PRKN: variants seen among roughly 807,000 people sequenced by gnomAD.
PRKN encodes the protein E3 ubiquitin-protein ligase parkin.
A neutral mutation model predicts 59.5 loss-of-function variants in PRKN; 56 were observed. That is an observed-to-expected ratio of 0.94 (90% CI 0.76 to 1.18). The LOEUF is 1.18. PRKN is among the 50% of genes most tolerant of loss of function. The pLI is 0.00. For missense variants in PRKN, 657 were observed against 596.4 expected, an observed-to-expected ratio of 1.10 and a Z score of -1.06; for synonymous variants, 250 against 222.1, an observed-to-expected ratio of 1.13 and a Z score of -1.12.
Position 161,908,311 on chromosome 6 carries a change from C to G in PRKN, c.734+64991G>C, listed in dbSNP as rs77458006. 7.9e-5 allele frequency among the ~76,000 whole-genome samples: 12 copies of G among 152,268 alleles called. No individual in the cohort carries two copies. The East Asian group carries it at 2.3e-3, about 29-fold the overall frequency. ...TCTGAAAGAATCTTCCGGATGGAAA[C>G]AGGGCATCTTGTTTATACAAGCCCA... On this transcript the variant is annotated intron_variant, in intron 6 of 11. Transcript: ENST00000366898.
intron 3 of PRKN, among the ~76,000 whole-genome samples, chr6:162,223,022 C>T (rs2128081691): frequency 7.7e-6 from 1 of 129,816 alleles, no homozygotes; most frequent in East Asian, 2.7e-4. Context: ...CCCCACCGCA[C>T]AATAGTCCCC....
intron 1 of PRKN, among the ~76,000 whole-genome samples, chr6:162,598,963 T>C (rs1187247071): frequency 1.3e-5 from 2 of 151,856 alleles, no homozygotes; most frequent in East Asian, 3.9e-4. Context: ...CAAATTACAG[T>C]ACGTTCAAGA....
rs1778983861 is a variant in PRKN, at chr6:161,525,493, A to G, written c.1083+23361T>C. Among the ~76,000 whole-genome samples, 2 of 152,202 alleles carry G rather than the reference A, an allele frequency of 1.3e-5. No individual in the cohort carries two copies. The highest frequency in any genetic ancestry group is 4.1e-4 in the South Asian group (2 of 4,828). On this transcript the variant is annotated intron_variant, in intron 9 of 11. Transcript: ENST00000366898. The surrounding 1 kb of genome is among the most constrained non-coding windows in gnomAD (Gnocchi z 4.7). ...CCAACAGGTCAGGGATATTGGGAGC[A>G]GGAGAACTGTGGTGCTGCATGAATT...
chr6:162,421,573 T>C (rs527528731), intron 2 of PRKN, among the ~76,000 whole-genome samples: 53 of 152,322 alleles, frequency 3.5e-4, no homozygotes, highest in African/African-American at 1.3e-3. Context: ...TCTCAATGAG[T>C]CCATCAATTC....
At position 162,235,965 on chromosome 6, in the gene PRKN, G is replaced by GAAAGAA. The variant is rs1562602335; in HGVS notation, c.412+26554_412+26559dup. Reference sequence around the variant, plus strand: ...AGGAAGGAAGGAAGAAAGGAAGAAAGAAAGAAAGAAAGAAAGAAAGAAAGA... The same window carrying GAAAGAA: ...AGGAAGGAAGGAAGAAAGGAAGAAAGAAAGAAAAAGAAAGAAAGAAAGAAAGAAAGA... On this transcript the variant is annotated intron_variant, in intron 3 of 11. Transcript: ENST00000366898. Among the ~76,000 whole-genome samples, 52 of 93,676 alleles carry GAAAGAA rather than the reference G, an allele frequency of 5.6e-4. 2 individuals carry two copies. Among genetic ancestry groups the GAAAGAA allele is most frequent in the African/African-American group, 2.0e-3 (41 of 20,124 alleles). The allele number at this position is 93,676 out of a possible 152,430, so 61.5% of individuals were successfully genotyped here.
intron 1 of PRKN, among the ~76,000 whole-genome samples, chr6:162,529,726 A>T (rs1451185507): frequency 6.6e-6 from 1 of 152,184 alleles, no homozygotes; most frequent in African/African-American, 2.4e-5. Context: ...GGACAACTGA[A>T]GTCCATCCCT....
intron 2 of PRKN, among the ~76,000 whole-genome samples, chr6:162,424,837 G>A (rs978195874): frequency 5.3e-5 from 8 of 152,044 alleles, no homozygotes; most frequent in African/African-American, 1.7e-4. Context: ...GAATGAGGTT[G>A]AGAATTTTCC....
chr6:162,442,871 CCTCA>C (rs1790124924), intron 2 of PRKN, among the ~76,000 whole-genome samples: 2 of 152,122 alleles, frequency 1.3e-5, no homozygotes, highest in East Asian at 3.9e-4. Flanking sequence ...TAGCAGCAGC[CCTCA>C]CTAACCTCCA....
chr6:161,643,277 CAACT>C (rs1303621785), intron 7 of PRKN, among the ~76,000 whole-genome samples: 1 of 152,122 alleles, frequency 6.6e-6, no homozygotes, highest in Non-Finnish European at 1.5e-5. Context: ...CAAAGGAACA[CAACT>C]GACTTGTTAA....
At chr6:161,659,626 CGAG>C (rs1562590074) in intron 7 of PRKN, among the ~76,000 whole-genome samples, 1 of 151,982 alleles carries the variant, frequency 6.6e-6, no homozygotes, top group African/African-American at 2.4e-5. Flanking sequence ...TGGTGTCACT[CGAG>C]GGACTGGGAG....
chr6:162,291,786 T>C (rs1583324214), intron 2 of PRKN, among the ~76,000 whole-genome samples: 1 of 152,062 alleles, frequency 6.6e-6, no homozygotes, highest in South Asian at 2.1e-4. Flanking sequence ...CCAAAGACGT[T>C]TTCTCCATTA....
rs35184046 is a variant in PRKN, at chr6:161,369,065, C to T, written c.1168-8860G>A. Among the ~76,000 whole-genome samples the T allele has an allele frequency of 0.13, 20,064 of 152,112 alleles. 2,243 individuals are homozygous for T. The highest frequency in any genetic ancestry group is 0.31 in the African/African-American group (12,882 of 41,486). On this transcript the variant is annotated intron_variant, in intron 10 of 11. Transcript: ENST00000366898. This position sits in a 1 kb window ranked among gnomAD's most constrained non-coding sequence, Gnocchi z 5.8. ...CAGGAGAAGCAGCTCTATGACACCC[C>T]GGGAGTGGGCGGTGCCCAGGCCACT...
intron 6 of PRKN, among the ~76,000 whole-genome samples, chr6:161,947,481 C>T (rs1307337660): frequency 2.6e-5 from 4 of 152,154 alleles, no homozygotes; most frequent in Non-Finnish European, 2.9e-5. Context: ...TCATCTTTTA[C>T]AGCAATTGTT....
At chr6:161,979,060 C>A (rs1378533183) in intron 5 of PRKN, among the ~76,000 whole-genome samples, 1 of 152,102 alleles carries the variant, frequency 6.6e-6, no homozygotes, top group East Asian at 1.9e-4. Flanking sequence ...CTATAATTCC[C>A]AGGGGCTTAC....
chr6:161,639,596 C>T (rs903086299), intron 7 of PRKN, among the ~76,000 whole-genome samples: 18 of 152,134 alleles, frequency 1.2e-4, no homozygotes, highest in Non-Finnish European at 2.2e-4. Context: ...ACTGCACCTC[C>T]GGGAAATATG....
At chr6:162,569,937 C>A (rs911988476) in intron 1 of PRKN, among the ~76,000 whole-genome samples, 1 of 152,026 alleles carries the variant, frequency 6.6e-6, no homozygotes, top group Non-Finnish European at 1.5e-5. Flanking sequence ...TTATTTTTTT[C>A]CCCCCAAAAT....
At chr6:162,576,309 C>T (rs1325316415) in intron 1 of PRKN, among the ~76,000 whole-genome samples, 1 of 152,084 alleles carries the variant, frequency 6.6e-6, no homozygotes, top group Non-Finnish European at 1.5e-5. Flanking sequence ...TAATAAAAGT[C>T]AAATCTCAAA....
intron 2 of PRKN, among the ~76,000 whole-genome samples, chr6:162,270,927 G>A (rs1020588633): frequency 6.7e-6 from 1 of 150,308 alleles, no homozygotes; most frequent in African/African-American, 2.5e-5. Flanking sequence ...CTGCTGCCTC[G>A]AACTCCCAGA....
chr6:162,408,164 T>G (rs1788169982), intron 2 of PRKN, among the ~76,000 whole-genome samples: 1 of 152,106 alleles, frequency 6.6e-6, no homozygotes, highest in Non-Finnish European at 1.5e-5. Context: ...ACATGGATCT[T>G]ATGAAAATAA....
Sources: gnomAD v4.1 joint callset for allele counts (sites outside exome capture counted in the v4.1 genomes callset) on GRCh38, gnomAD v4.1.1 for gene constraint, Gnocchi (gnomAD v3.1) non-coding constraint, MANE v1.5 for transcripts, NCBI Gene and HGNC (gene_info 2026-07-23, HGNC 2026-07-21) for gene names.